The following SGCZ variants were observed in gnomAD, a reference collection of about 807,000 sequenced individuals.
SGCZ encodes the protein zeta-sarcoglycan.
Under a neutral mutation model 41.3 loss-of-function variants are expected in SGCZ, and 40 were observed. That is an observed-to-expected ratio of 0.97 (90% CI 0.75 to 1.26). The LOEUF (loss-of-function observed/expected upper bound fraction) is 1.26, where lower values mean the gene tolerates loss of function less well. Ranked by LOEUF, SGCZ falls within the 50% of genes most tolerant of loss-of-function variation. The probability of loss-of-function intolerance (pLI) is 0.00; values close to 1 mark genes in which losing one functional copy is unlikely to be tolerated. For synonymous variants in SGCZ, 206 were observed against 137.5 expected, an observed-to-expected ratio of 1.50 and a Z score of -3.49; for missense variants, 552 against 369.8, an observed-to-expected ratio of 1.49 and a Z score of -4.04.
At chr8:14,685,018 T>A (rs1808566568) in intron 1 of SGCZ, among the ~76,000 whole-genome samples, 1 of 152,180 alleles carries the variant, frequency 6.6e-6, no homozygotes, top group South Asian at 2.1e-4. Flanking sequence ...TAATTAGAAT[T>A]GTCAAAAACC....
intron 2 of SGCZ, among the ~76,000 whole-genome samples, chr8:14,526,930 C>T (rs1453038049): frequency 3.3e-5 from 5 of 152,106 alleles, no homozygotes; most frequent in African/African-American, 1.2e-4. Flanking sequence ...AGATTGTTAA[C>T]TAGTTATCTA....
At chr8:14,382,622 A>G (rs1804410245) in intron 2 of SGCZ, among the ~76,000 whole-genome samples, 4 of 152,170 alleles carry the variant, frequency 2.6e-5, no homozygotes, top group African/African-American at 4.8e-5. Context: ...AGAATATTTG[A>G]GATTGAGGGT....
chr8:14,918,689 G>C (rs1177511625), intron 1 of SGCZ, among the ~76,000 whole-genome samples: 1 of 152,224 alleles, frequency 6.6e-6, no homozygotes. Flanking sequence ...CAATAATTTT[G>C]TATCTTACTA....
chr8:14,143,704 A>G (rs1803439413), intron 5 of SGCZ, among the ~76,000 whole-genome samples: 1 of 152,180 alleles, frequency 6.6e-6, no homozygotes, highest in Non-Finnish European at 1.5e-5. Flanking sequence ...TCGCTGATTT[A>G]ACTGTGTATG....
chr8:14,599,841 A>G (rs556662308), intron 1 of SGCZ, among the ~76,000 whole-genome samples: 2 of 152,238 alleles, frequency 1.3e-5, no homozygotes, highest in South Asian at 4.1e-4. Flanking sequence ...ATATTTTTCC[A>G]TCATACAAAC....
intron 2 of SGCZ, among the ~76,000 whole-genome samples, chr8:14,541,933 T>A (rs1189283023): frequency 6.6e-6 from 1 of 152,192 alleles, no homozygotes; most frequent in African/African-American, 2.4e-5. Context: ...TGTCTTCTTT[T>A]CAAAAGTGTC....
At chr8:14,712,493 A>G (rs1809552917) in intron 1 of SGCZ, among the ~76,000 whole-genome samples, 2 of 152,212 alleles carry the variant, frequency 1.3e-5, no homozygotes, top group Admixed American at 1.3e-4. Context: ...CCAGTAGGGC[A>G]GTTATGTAGT....
intron 5 of SGCZ, among the ~76,000 whole-genome samples, chr8:14,129,737 A>G (rs1237814345): frequency 1.4e-5 from 2 of 147,060 alleles, no homozygotes; most frequent in Admixed American, 1.4e-4. Flanking sequence ...CATTGACAAT[A>G]ACATATAAAA....
At chr8:14,902,515 T>A (rs1465713399) in intron 1 of SGCZ, among the ~76,000 whole-genome samples, 3 of 152,082 alleles carry the variant, frequency 2.0e-5, no homozygotes, top group African/African-American at 7.2e-5. Flanking sequence ...TAAACATAAA[T>A]ATAAACCTTG....
At chr8:14,331,360 AG>A (rs1239881795) in intron 2 of SGCZ, among the ~76,000 whole-genome samples, 2 of 152,114 alleles carry the variant, frequency 1.3e-5, no homozygotes, top group Non-Finnish European at 2.9e-5. Context: ...ACCTAAGCAA[AG>A]CATGTGGTTT....
intron 1 of SGCZ, among the ~76,000 whole-genome samples, chr8:14,763,264 T>C (rs1335150695): frequency 5.9e-5 from 9 of 152,162 alleles, no homozygotes; most frequent in Admixed American, 5.9e-4. Context: ...GAGATACTGT[T>C]CATTGCAGCC....
intron 1 of SGCZ, among the ~76,000 whole-genome samples, chr8:14,780,305 G>A (rs1025258365): frequency 2.3e-4 from 35 of 150,698 alleles, no homozygotes; most frequent in African/African-American, 6.8e-4. Context: ...AACCCGGGGG[G>A]CAGAGCTTGC....
rs553739475 is a variant in SGCZ at position 14,375,822 on chromosome 8, A to G, written c.235-51618T>C. Among the ~76,000 whole-genome samples, 3 of 152,316 alleles carry G rather than the reference A, an allele frequency of 2.0e-5. No individual in the cohort carries two copies. In the South Asian group the frequency reaches 6.2e-4, roughly 32 times the overall value. On this transcript the variant is annotated intron_variant, in intron 2 of 7. Coordinates refer to ENST00000382080, the MANE Select transcript of SGCZ (RefSeq NM_139167.4). Reference sequence around the variant, plus strand: ...CCAAATTAAAATCAGAAGCAGAACAATAAATAAACCAATGGAATCCAAAAC... The same window carrying G: ...CCAAATTAAAATCAGAAGCAGAACAGTAAATAAACCAATGGAATCCAAAAC...
At chr8:14,476,821 G>A (rs780761005) in intron 2 of SGCZ, among the ~76,000 whole-genome samples, 9 of 152,028 alleles carry the variant, frequency 5.9e-5, no homozygotes, top group Non-Finnish European at 8.8e-5. Context: ...CATACTTTTC[G>A]CCTTGTGCTT....
intron 3 of SGCZ, among the ~76,000 whole-genome samples, chr8:14,280,189 G>A (rs1800374601): frequency 6.6e-6 from 1 of 151,794 alleles, no homozygotes; most frequent in Non-Finnish European, 1.5e-5. Flanking sequence ...TAATAGTATG[G>A]ATGATAATAG....
At chr8:14,729,214 A>G (rs754018468) in intron 1 of SGCZ, among the ~76,000 whole-genome samples, 2 of 152,138 alleles carry the variant, frequency 1.3e-5, no homozygotes, top group Non-Finnish European at 2.9e-5. Context: ...GATTTCCCCA[A>G]TGCATGAAGT....
At chr8:15,121,837 C>A (rs1389078993) in intron 1 of SGCZ, among the ~76,000 whole-genome samples, 1 of 147,006 alleles carries the variant, frequency 6.8e-6, no homozygotes, top group Admixed American at 7.0e-5. Context: ...GCAGTATGTT[C>A]TGGAAAAATA....
chr8:14,531,157 C>A (rs1803118292), intron 2 of SGCZ, among the ~76,000 whole-genome samples: 1 of 151,992 alleles, frequency 6.6e-6, no homozygotes, highest in Non-Finnish European at 1.5e-5. Context: ...GTTCTTTACA[C>A]TATCATACCT....
intron 2 of SGCZ, among the ~76,000 whole-genome samples, chr8:14,551,507 T>TTATATATAATA (rs1803830575): frequency 1.9e-4 from 1 of 5,224 alleles, no homozygotes; most frequent in Non-Finnish European, 3.1e-4. Context: ...ATTATATATA[T>TTATATATAATA]TATATATATT....
Sources: allele counts gnomAD v4.1 joint callset (sites outside exome capture counted in the v4.1 genomes callset), GRCh38; gene constraint gnomAD v4.1.1; transcripts MANE v1.5; gene names NCBI Gene and HGNC (gene_info 2026-07-23, HGNC 2026-07-21).